Variants in SRPK2 observed in about 807,000 individuals in gnomAD.
The protein encoded by SRPK2 is SRSF protein kinase 2, also known as SFRS protein kinase 2.
In SRPK2, 21 loss-of-function variants were observed where a neutral mutation model predicts 90.8. The ratio of observed to expected loss-of-function variants is 0.23; its 90% CI spans 0.16 to 0.33. The LOEUF is 0.33. Ranked by LOEUF, SRPK2 falls within the 10% of genes least tolerant of loss-of-function variation. The probability of loss-of-function intolerance (pLI) is 1.00; values close to 1 mark genes in which losing one functional copy is unlikely to be tolerated. For synonymous variants in SRPK2, 288 were observed against 311.1 expected (o/e 0.93, Z 0.78); for missense variants, 620 against 869.0 (o/e 0.71, Z 3.60).
chr7:105,226,995 A>G (rs950634404), intron 2 of SRPK2, among the ~76,000 whole-genome samples: 23 of 152,188 alleles, frequency 1.5e-4, no homozygotes, highest in African/African-American at 5.5e-4. Context: ...TCTGCTCAGC[A>G]GCAAATCGTT....
chr7:105,255,800 T>C (rs976939959), intron 2 of SRPK2, among the ~76,000 whole-genome samples: 11 of 151,804 alleles, frequency 7.2e-5, no homozygotes, highest in African/African-American at 2.7e-4. Flanking sequence ...GACGTGCTGG[T>C]GGGCACCTGT....
intron 2 of SRPK2, among the ~76,000 whole-genome samples, chr7:105,324,750 G>C (rs1472457554): frequency 6.6e-6 from 1 of 152,164 alleles, no homozygotes; most frequent in Non-Finnish European, 1.5e-5. Flanking sequence ...AGCCGAATGT[G>C]GTGGTGCACG....
chr7:105,277,463 T>C (rs1806675508), intron 2 of SRPK2, among the ~76,000 whole-genome samples: 1 of 152,238 alleles, frequency 6.6e-6, no homozygotes, highest in South Asian at 2.1e-4. Context: ...CTAATACTGC[T>C]ATCTGAAGCC....
chr7:105,321,969 T>C (rs556731906), intron 2 of SRPK2, among the ~76,000 whole-genome samples: 2 of 152,266 alleles, frequency 1.3e-5, no homozygotes, highest in South Asian at 2.1e-4. Flanking sequence ...AAGTGAAAAC[T>C]AGTACTTCAA....
At chr7:105,220,471 A>G (rs530967649) in intron 2 of SRPK2, among the ~76,000 whole-genome samples, 1 of 152,312 alleles carries the variant, frequency 6.6e-6, no homozygotes, top group Admixed American at 6.5e-5. Flanking sequence ...GGTTGCAGTG[A>G]GCTGAGATCG....
At chr7:105,311,065 C>T (rs1237520116) in intron 2 of SRPK2, among the ~76,000 whole-genome samples, 2 of 152,024 alleles carry the variant, frequency 1.3e-5, no homozygotes, top group African/African-American at 4.8e-5. Flanking sequence ...AAGTAAAGAG[C>T]TGTTTTGGGC....
At chr7:105,292,308 G>C (rs1166075554) in intron 2 of SRPK2, among the ~76,000 whole-genome samples, 2 of 152,050 alleles carry the variant, frequency 1.3e-5, no homozygotes, top group African/African-American at 4.8e-5. Flanking sequence ...AGGAGTTCGA[G>C]ACCAGCCTGG....
At chr7:105,246,204 A>T (rs1801638326) in intron 2 of SRPK2, among the ~76,000 whole-genome samples, 1 of 152,192 alleles carries the variant, frequency 6.6e-6, no homozygotes, top group African/African-American at 2.4e-5. Flanking sequence ...CACAGACAGA[A>T]AGTTACACAC....
intron 2 of SRPK2, among the ~76,000 whole-genome samples, chr7:105,309,854 C>T (rs948886422): frequency 4.6e-5 from 7 of 152,216 alleles, no homozygotes; most frequent in Admixed American, 6.5e-5. Flanking sequence ...CTGGGCCACA[C>T]ACTCTGTTAC....
intron 2 of SRPK2, among the ~76,000 whole-genome samples, chr7:105,333,705 T>TACACATATACA (rs1422108261): frequency 6.6e-6 from 1 of 152,206 alleles, no homozygotes; most frequent in East Asian, 1.9e-4. Context: ...CACATATACA[T>TACACATATACA]TTATTAACAA....
upstream of SRPK2, among the ~76,000 whole-genome samples, chr7:105,393,339 C>G (rs1822232086): frequency 6.6e-6 from 1 of 151,980 alleles, no homozygotes; most frequent in Non-Finnish European, 1.5e-5. Flanking sequence ...ACCATGTTGG[C>G]CAGGCTGGTC....
chr7:105,325,392 T>A (rs751559647), intron 2 of SRPK2, among the ~76,000 whole-genome samples: 1 of 148,762 alleles, frequency 6.7e-6, no homozygotes, highest in Non-Finnish European at 1.5e-5. Context: ...TCTGTAAATG[T>A]CATGCAGTCC....
Position 105,287,182 on chromosome 7 carries a change from A to G in SRPK2, c.72-83397T>C, listed in dbSNP as rs886783435. On this transcript the variant is annotated intron_variant, in intron 2 of 15. Transcript: ENST00000393651. Reference sequence around the variant, plus strand: ...AGGCTGAGGCAGGAGAATGGCGTGAACCCGGGAGGCGGAGCTTGCAGTGAG... The same window carrying G: ...AGGCTGAGGCAGGAGAATGGCGTGAGCCCGGGAGGCGGAGCTTGCAGTGAG... Among the ~76,000 whole-genome samples the G allele has an allele frequency of 2.8e-5, 4 of 143,748 alleles. No homozygotes were observed. The East Asian group carries it at 8.4e-4, about 30-fold the overall frequency. The allele number at this position is 143,748 out of a possible 152,430, so 94.3% of individuals were successfully genotyped here.
chr7:105,199,977 C>T (rs1176026646), intron 3 of SRPK2, among the ~76,000 whole-genome samples: 2 of 151,022 alleles, frequency 1.3e-5, no homozygotes, highest in Non-Finnish European at 2.9e-5. Context: ...CAAGATGAAC[C>T]TGGCATATCC....
chr7:105,379,648 A>G (rs1233647806), intron 2 of SRPK2, among the ~76,000 whole-genome samples: 2 of 152,190 alleles, frequency 1.3e-5, no homozygotes, highest in Non-Finnish European at 2.9e-5. Flanking sequence ...AGGGGTATAA[A>G]TAAATGTAAA....
chr7:105,168,976 A>G (rs962411517), intron 4 of SRPK2, among the ~76,000 whole-genome samples, 181 bp downstream of exon 4: 2 of 152,144 alleles, frequency 1.3e-5, no homozygotes, highest in Non-Finnish European at 2.9e-5. Flanking sequence ...ATATTTTAAG[A>G]TTTCAAATGA....
chr7:105,319,874 T>G (rs1008318090), intron 2 of SRPK2, among the ~76,000 whole-genome samples: 3 of 151,710 alleles, frequency 2.0e-5, no homozygotes, highest in African/African-American at 7.3e-5. Context: ...TTTTTTTTTT[T>G]TGTCTATAAA....
intron 2 of SRPK2, among the ~76,000 whole-genome samples, chr7:105,275,838 T>A (rs929814693): frequency 3.9e-5 from 6 of 152,198 alleles, no homozygotes; most frequent in African/African-American, 1.4e-4. Flanking sequence ...GCTGTGGGCA[T>A]GATATGCTCC....
intron 2 of SRPK2, among the ~76,000 whole-genome samples, chr7:105,255,444 G>T (rs959976415): frequency 6.6e-6 from 1 of 152,052 alleles, no homozygotes. Context: ...ATTTCCTGGG[G>T]GGAGGGTAGG....
Sources: allele counts gnomAD v4.1 joint callset (sites outside exome capture counted in the v4.1 genomes callset), GRCh38; gene constraint gnomAD v4.1.1; transcripts MANE v1.5; gene names NCBI Gene and HGNC (gene_info 2026-07-23, HGNC 2026-07-21).